The following DENND1B variants were observed in gnomAD, a reference collection of about 807,000 sequenced individuals.
The protein encoded by DENND1B is DENN domain containing 1B, also known as DENN domain-containing protein 1B.
Under a neutral mutation model 90.1 loss-of-function variants are expected in DENND1B, and 59 were observed. That is an observed-to-expected ratio of 0.65 (90% CI 0.53 to 0.81). The LOEUF is 0.81. Among genes scored for constraint, DENND1B ranks in the 40% least tolerant of loss-of-function variants. The probability of loss-of-function intolerance (pLI) is 0.00; values close to 1 mark genes in which losing one functional copy is unlikely to be tolerated. For missense variants in DENND1B, 862 were observed against 912.6 expected, an observed-to-expected ratio of 0.94 and a Z score of 0.71; for synonymous variants, 337 against 324.6, an observed-to-expected ratio of 1.04 and a Z score of -0.41.
At chr1:197,768,998 A>C (rs1656071670) in intron 2 of DENND1B, among the ~76,000 whole-genome samples, 1 of 152,174 alleles carries the variant, frequency 6.6e-6, no homozygotes, top group Admixed American at 6.5e-5. Context: ...TGTTAACTAA[A>C]ATTTAATTAA....
intron 6 of DENND1B, 110 bp downstream of exon 6, chr1:197,658,190 C>T (rs1199687784): frequency 1.2e-6 from 1 of 862,836 alleles, no homozygotes; most frequent in Non-Finnish European, 1.9e-6. Flanking sequence ...TGCAGATCAA[C>T]ATTAATGTAC....
chr1:197,645,531 G>T (rs1027148940), intron 9 of DENND1B, among the ~76,000 whole-genome samples, 159 bp downstream of exon 9: 1 of 151,720 alleles, frequency 6.6e-6, no homozygotes, highest in Non-Finnish European at 1.5e-5. Flanking sequence ...AAGAAGAAAA[G>T]AAAATAATAT....
intron 20 of DENND1B, among the ~76,000 whole-genome samples, chr1:197,524,303 G>A (rs187522988): frequency 1.1e-4 from 17 of 152,200 alleles, no homozygotes; most frequent in African/African-American, 4.1e-4. Context: ...AACTTCTGGT[G>A]ACTGCTGGAA....
At chr1:197,609,579 T>A (rs1676999379) in intron 12 of DENND1B, among the ~76,000 whole-genome samples, 1 of 150,600 alleles carries the variant, frequency 6.6e-6, no homozygotes. Flanking sequence ...CATCCTTTAC[T>A]CATAATTTCA....
intron 10 of DENND1B, among the ~76,000 whole-genome samples, chr1:197,632,818 T>G (rs1679447120): frequency 6.6e-6 from 1 of 152,166 alleles, no homozygotes; most frequent in Non-Finnish European, 1.5e-5. Flanking sequence ...ATCAACAGGC[T>G]GAAAAAGAGG....
rs1676426887 is a variant in DENND1B at position 197,603,881 on chromosome 1, T to G, written c.921+3192A>C. On this transcript the variant is annotated intron_variant, in intron 13 of 22. Coordinates refer to ENST00000620048, the MANE Select transcript of DENND1B (RefSeq NM_001195215.2). ...AATACTGCATTTTCATAAATTAAAA[T>G]CAAGTCATTTGAGATTTCAAATGTT... Among the ~76,000 whole-genome samples, 3 of 151,500 alleles carry G rather than the reference T, an allele frequency of 2.0e-5. No individual in the cohort carries two copies. In the Admixed American group the frequency reaches 2.0e-4, roughly 10 times the overall value.
intron 2 of DENND1B, among the ~76,000 whole-genome samples, chr1:197,770,708 A>ATACATATC (rs1656390428): frequency 7.0e-6 from 1 of 142,988 alleles, no homozygotes; most frequent in African/African-American, 2.5e-5. Flanking sequence ...ATCTATAAAT[A>ATACATATC]TATAAATATA....
intron 14 of DENND1B, among the ~76,000 whole-genome samples, chr1:197,586,630 G>C (rs1031782384): frequency 5.3e-5 from 8 of 152,208 alleles, no homozygotes; most frequent in African/African-American, 1.9e-4. Context: ...TTAAGGAGAA[G>C]TTGATAAAAT....
At chr1:197,767,460 T>C (rs1655839077) in intron 2 of DENND1B, among the ~76,000 whole-genome samples, 1 of 152,168 alleles carries the variant, frequency 6.6e-6, no homozygotes, top group South Asian at 2.1e-4. Context: ...TGAAAGGCAG[T>C]TAAACTGTTA....
chr1:197,577,499 GA>G (rs1327115059), intron 15 of DENND1B, among the ~76,000 whole-genome samples: 4 of 152,250 alleles, frequency 2.6e-5, no homozygotes, highest in African/African-American at 7.2e-5. Context: ...GGTTTTGGGG[GA>G]AAGGTTTGGT....
chr1:197,778,133 C>T (rs929461642), upstream of DENND1B, among the ~76,000 whole-genome samples: 3 of 152,166 alleles, frequency 2.0e-5, no homozygotes, highest in Non-Finnish European at 4.4e-5. Context: ...CTAATAAATA[C>T]AACCATTCAT....
At chr1:197,771,309 T>C (rs753393981) in intron 2 of DENND1B, among the ~76,000 whole-genome samples, 24 of 152,334 alleles carry the variant, frequency 1.6e-4, no homozygotes, top group East Asian at 3.9e-4. Flanking sequence ...CACTATAGAA[T>C]AGAATTAAAT....
chr1:197,773,350 CAG>C (rs2102521311), intron 1 of DENND1B, among the ~76,000 whole-genome samples: 1 of 152,308 alleles, frequency 6.6e-6, no homozygotes, highest in Non-Finnish European at 1.5e-5. Flanking sequence ...ACCCTGCCAA[CAG>C]AGTTTGACAC....
chr1:197,780,194 A>G (rs1657391778), upstream of DENND1B, among the ~76,000 whole-genome samples: 1 of 152,136 alleles, frequency 6.6e-6, no homozygotes, highest in African/African-American at 2.4e-5. Flanking sequence ...TATCAGCTTT[A>G]TGAAGAGTAT....
intron 15 of DENND1B, among the ~76,000 whole-genome samples, chr1:197,575,260 A>G (rs1673564914): frequency 6.6e-6 from 1 of 152,102 alleles, no homozygotes; most frequent in South Asian, 2.1e-4. Flanking sequence ...AAAAACCATT[A>G]AAAAGTGGGA....
chr1:197,587,707 A>G (rs186479933), intron 14 of DENND1B, among the ~76,000 whole-genome samples: 1 of 152,208 alleles, frequency 6.6e-6, no homozygotes, highest in African/African-American at 2.4e-5. Flanking sequence ...CACGGACCAG[A>G]GGAGTGGGGA....
At chr1:197,552,073 C>T (rs552209689) in intron 16 of DENND1B, among the ~76,000 whole-genome samples, 10 of 152,116 alleles carry the variant, frequency 6.6e-5, no homozygotes, top group East Asian at 1.9e-4. Flanking sequence ...TTAAAAATAA[C>T]GTTAAATTTT....
At position 197,518,516 on chromosome 1, in the gene DENND1B, C is replaced by T. The variant is rs186975070; in HGVS notation, c.1516-5563G>A. 2.0e-5 allele frequency among the ~76,000 whole-genome samples: 3 copies of T among 151,980 alleles called. No individual in the cohort carries two copies. The East Asian group carries it at 5.8e-4, about 30-fold the overall frequency. On this transcript the variant is annotated intron_variant, in intron 20 of 22. Coordinates refer to ENST00000620048, the MANE Select transcript of DENND1B (RefSeq NM_001195215.2). ...CAAATTTGGAGAATCTCAAGAGGAACTCACCTTAATTTACAGATGTTTCAG... is the reference window on the plus strand; with the variant it reads ...CAAATTTGGAGAATCTCAAGAGGAATTCACCTTAATTTACAGATGTTTCAG...
intron 3 of DENND1B, among the ~76,000 whole-genome samples, chr1:197,686,953 A>C (rs555109844): frequency 1.3e-5 from 2 of 152,200 alleles, no homozygotes; most frequent in Non-Finnish European, 1.5e-5. Flanking sequence ...TCGTTCATGC[A>C]ACTTTTCCTC....
Sources: allele counts gnomAD v4.1 joint callset (sites outside exome capture counted in the v4.1 genomes callset), GRCh38; gene constraint gnomAD v4.1.1; transcripts MANE v1.5; gene names NCBI Gene and HGNC (gene_info 2026-07-23, HGNC 2026-07-21).